Variants in NCALD observed in about 807,000 individuals in gnomAD.
NCALD encodes the protein neurocalcin-delta.
A neutral mutation model predicts 18.6 loss-of-function variants in NCALD; 10 were observed. The ratio of observed to expected loss-of-function variants is 0.54; its 90% CI spans 0.33 to 0.91. The LOEUF is 0.91. NCALD is among the 40% of genes least tolerant of loss of function. The probability of loss-of-function intolerance (pLI) is 0.03; values close to 1 mark genes in which losing one functional copy is unlikely to be tolerated. For synonymous variants in NCALD, 88 were observed against 87.4 expected, an observed-to-expected ratio of 1.01 and a Z score of -0.04; for missense variants, 184 against 247.6, an observed-to-expected ratio of 0.74 and a Z score of 1.72.
intron 1 of NCALD, among the ~76,000 whole-genome samples, chr8:101,732,174 C>T (rs932138981): frequency 6.6e-6 from 1 of 152,182 alleles, no homozygotes; most frequent in Admixed American, 6.5e-5. Flanking sequence ...AATAAATGTC[C>T]GCTTAACTAG....
intron 3 of NCALD, chr8:101,915,493 A>G (rs1216466422): frequency 6.6e-6 from 1 of 152,106 alleles, no homozygotes; most frequent in Non-Finnish European, 1.5e-5. Context: ...CCTTGAGAAG[A>G]CTCTGGCAGC....
intron 1 of NCALD, among the ~76,000 whole-genome samples, chr8:102,032,953 G>A (rs764930616): frequency 3.2e-4 from 49 of 152,308 alleles, no homozygotes; most frequent in Admixed American, 2.2e-3. Context: ...GGCCAGCAAT[G>A]AGTCCAGGTG....
intron 2 of NCALD, among the ~76,000 whole-genome samples, chr8:101,968,444 C>G (rs1290877477): frequency 1.3e-5 from 2 of 152,164 alleles, no homozygotes. Context: ...GTTTAATCAT[C>G]TAGGACTAAG....
At chr8:101,929,253 AAGGGAT>A (rs1224867160) in intron 2 of NCALD, among the ~76,000 whole-genome samples, 45 of 80,870 alleles carry the variant, frequency 5.6e-4, no homozygotes, top group African/African-American at 2.6e-3. Flanking sequence ...GAGGAGGAGG[AAGGGAT>A]GGAGGAAGGG....
intron 1 of NCALD, among the ~76,000 whole-genome samples, chr8:102,089,391 C>A (rs1824849466): frequency 2.1e-5 from 3 of 145,408 alleles, no homozygotes; most frequent in Non-Finnish European, 3.0e-5. Flanking sequence ...AAGACTTAGT[C>A]TCAAAGGAAA....
At chr8:102,082,921 C>T (rs1177954279) in intron 1 of NCALD, among the ~76,000 whole-genome samples, 1 of 152,194 alleles carries the variant, frequency 6.6e-6, no homozygotes, top group Admixed American at 6.5e-5. Context: ...ATTTGCCAGT[C>T]CACGGGTGAA....
chr8:102,111,626 C>A (rs1216086626), intron 1 of NCALD, among the ~76,000 whole-genome samples: 1 of 152,152 alleles, frequency 6.6e-6, no homozygotes, highest in Non-Finnish European at 1.5e-5. Flanking sequence ...TTTTAAATAA[C>A]AACACGTTAA....
intron 1 of NCALD, among the ~76,000 whole-genome samples, chr8:101,763,218 C>A (rs76811404): frequency 6.6e-6 from 1 of 151,978 alleles, no homozygotes; most frequent in Non-Finnish European, 1.5e-5. Flanking sequence ...CCAGGAATAC[C>A]GGTGGCAGCA....
chr8:101,993,743 T>C (rs1009909829), intron 2 of NCALD, among the ~76,000 whole-genome samples: 2 of 152,206 alleles, frequency 1.3e-5, no homozygotes, highest in African/African-American at 4.8e-5. Flanking sequence ...TAAAAGGACA[T>C]AGACTTCTTG....
At chr8:101,779,752 A>G (rs1811940132) in intron 1 of NCALD, among the ~76,000 whole-genome samples, 1 of 152,046 alleles carries the variant, frequency 6.6e-6, no homozygotes, top group South Asian at 2.1e-4. Context: ...TTTTTGTTTG[A>G]TTATCTGCAG....
At chr8:102,071,149 A>G (rs1163648739) in intron 1 of NCALD, among the ~76,000 whole-genome samples, 1 of 152,120 alleles carries the variant, frequency 6.6e-6, no homozygotes, top group Non-Finnish European at 1.5e-5. Flanking sequence ...TTATAAAAGA[A>G]CGCAATGAAC....
intron 1 of NCALD, among the ~76,000 whole-genome samples, chr8:101,774,691 C>T (rs912771328): frequency 6.6e-6 from 1 of 152,064 alleles, no homozygotes; most frequent in Non-Finnish European, 1.5e-5. Flanking sequence ...GCAATAGGCG[C>T]CATGAATGTG....
At chr8:102,003,976 G>T (rs1586907584) in intron 2 of NCALD, among the ~76,000 whole-genome samples, 1 of 151,808 alleles carries the variant, frequency 6.6e-6, no homozygotes, top group East Asian at 1.9e-4. Context: ...CACAAGACAG[G>T]GATGCCCTCT....
At chr8:101,913,271 C>G (rs74601634) in intron 3 of NCALD, among the ~76,000 whole-genome samples, 5,469 of 152,206 alleles carry the variant, frequency 0.036, 254 homozygotes, top group African/African-American at 0.1. Flanking sequence ...CCACTTTGAA[C>G]TCAAATAACA....
chr8:101,719,021 C>T (rs377414326), intron 2 of NCALD, among the ~76,000 whole-genome samples: 3 of 152,152 alleles, frequency 2.0e-5, no homozygotes, highest in African/African-American at 7.2e-5. Flanking sequence ...ACCTATGACC[C>T]GGGAGTCCCA....
rs1167153980 is a variant in NCALD at position 101,692,913 on chromosome 8, C to T, written c.379-17G>A. 10 of 1,576,406 alleles carry T rather than the reference C, an allele frequency of 6.3e-6. No individual in the cohort carries two copies. Among genetic ancestry groups the T allele is most frequent in the Non-Finnish European group, 7.9e-6 (9 of 1,145,834 alleles). Reference sequence around the variant, plus strand: ...ATAGATTGCCTGGGGACAGAAGCGACATGGTGGTAAGACAGAAAAACAGTA... The same window carrying T: ...ATAGATTGCCTGGGGACAGAAGCGATATGGTGGTAAGACAGAAAAACAGTA... On this transcript the variant is annotated splice_polypyrimidine_tract_variant and intron_variant, in intron 2 of 3. Transcript: ENST00000220931.
chr8:101,808,253 A>C (rs8181025), intron 4 of NCALD, among the ~76,000 whole-genome samples: 100,225 of 151,976 alleles, frequency 0.66, 34,501 homozygotes, highest in Non-Finnish European at 0.76. Flanking sequence ...AATACTTTCC[A>C]GTAACAGTGA....
chr8:102,017,990 G>C (rs906320812), intron 2 of NCALD, among the ~76,000 whole-genome samples: 3 of 152,154 alleles, frequency 2.0e-5, no homozygotes, highest in Non-Finnish European at 4.4e-5. Flanking sequence ...GACATGAAAA[G>C]GTGTTCAATG....
chr8:101,804,327 TAATTATATC>T (rs1010328652), intron 4 of NCALD, among the ~76,000 whole-genome samples: 5 of 75,060 alleles, frequency 6.7e-5, no homozygotes, highest in Non-Finnish European at 1.9e-4. Flanking sequence ...ATATTATATA[TAATTATATC>T]AATTATATAT....
Sources: gnomAD v4.1 joint callset for allele counts (sites outside exome capture counted in the v4.1 genomes callset) on GRCh38, gnomAD v4.1.1 for gene constraint, MANE v1.5 for transcripts, NCBI Gene and HGNC (gene_info 2026-07-23, HGNC 2026-07-21) for gene names.